The following NIPBL variants were observed in gnomAD, a reference collection of about 807,000 sequenced individuals.
NIPBL encodes the protein NIPBL cohesin loading factor, also known as nipped-B-like protein.
In NIPBL, 19 loss-of-function variants were observed where a neutral mutation model predicts 321.8. The ratio of observed to expected loss-of-function variants is 0.06; its 90% CI spans 0.04 to 0.09. The LOEUF is 0.09. Ranked by LOEUF, NIPBL falls within the 10% of genes least tolerant of loss-of-function variation. The probability of loss-of-function intolerance (pLI) is 1.00; values close to 1 mark genes in which losing one functional copy is unlikely to be tolerated. For synonymous variants in NIPBL, 1,106 were observed against 1,114.1 expected, an observed-to-expected ratio of 0.99 and a Z score of 0.14; for missense variants, 2,210 against 3,327.0, an observed-to-expected ratio of 0.66 and a Z score of 8.26.
At chr5:37,027,474 G>GTTTT in intron 32 of NIPBL, 62 bp downstream of exon 32, 7 of 935,124 alleles carry the variant, frequency 7.5e-6, no homozygotes, top group Non-Finnish European at 1.1e-5. Flanking sequence ...TGTTGTTGGT[G>GTTTT]TTTTTTTTTT....
At chr5:36,917,601 G>T (rs1013319129) in intron 1 of NIPBL, among the ~76,000 whole-genome samples, 3 of 152,140 alleles carry the variant, frequency 2.0e-5, no homozygotes, top group African/African-American at 7.2e-5. Context: ...CCTTGCCCAT[G>T]CCTATGTCCT....
chr5:37,051,410 A>G (rs1245302981), intron 40 of NIPBL: 1 of 220,870 alleles, frequency 4.5e-6, no homozygotes, highest in Non-Finnish European at 8.9e-6. Flanking sequence ...TGTTTGCCCT[A>G]TATTATCTTT....
intron 37 of NIPBL, 59 bp from the exon 38 acceptor site, chr5:37,046,050 G>A (rs190971906): frequency 2.2e-4 from 193 of 879,116 alleles, no homozygotes; most frequent in Non-Finnish European, 3.1e-4. Context: ...TTCCTTTATA[G>A]TTGAAAATTA....
At chr5:36,895,424 A>C (rs894544732) in intron 1 of NIPBL, among the ~76,000 whole-genome samples, 1 of 152,180 alleles carries the variant, frequency 6.6e-6, no homozygotes, top group African/African-American at 2.4e-5. Context: ...ATGCTGTTAT[A>C]AGCATTCATT....
chr5:37,057,153 C>G, intron 42 of NIPBL, 33 bp from the exon 43 acceptor site: 1 of 1,610,168 alleles, frequency 6.2e-7, no homozygotes, highest in Non-Finnish European at 8.5e-7. Context: ...AGATTATCCG[C>G]TAAACATGTG....
At chr5:37,044,773 G>GC (rs1752803165) in intron 36 of NIPBL, 44 bp downstream of exon 36, 1 of 1,355,412 alleles carries the variant, frequency 7.4e-7, no homozygotes, top group East Asian at 2.3e-5. Flanking sequence ...GCTAGGTCCT[G>GC]CAGGGGGTCA....
intron 9 of NIPBL, among the ~76,000 whole-genome samples, chr5:36,978,645 G>T (rs888783149): frequency 4.0e-5 from 6 of 151,862 alleles, no homozygotes; most frequent in African/African-American, 1.4e-4. Context: ...TTAGGTCTTA[G>T]TCATAAATTC....
chr5:36,969,061 G>C (rs1019925460), intron 6 of NIPBL, among the ~76,000 whole-genome samples: 12 of 152,072 alleles, frequency 7.9e-5, no homozygotes, highest in African/African-American at 2.7e-4. Flanking sequence ...AGCATTAACA[G>C]TTTAAAAGAG....
intron 1 of NIPBL, chr5:36,885,411 A>G: frequency 8.8e-6 from 4 of 453,270 alleles, no homozygotes; most frequent in South Asian, 5.2e-5. Context: ...TGGATGGCCC[A>G]GGGTCTGGCA....
chr5:36,889,664 C>G (rs1432713519), intron 1 of NIPBL, among the ~76,000 whole-genome samples: 1 of 152,140 alleles, frequency 6.6e-6, no homozygotes, highest in Non-Finnish European at 1.5e-5. Context: ...ACATTGCCAT[C>G]TACTCTGATT....
chr5:37,005,421 C>G (rs1747316186), intron 16 of NIPBL, among the ~76,000 whole-genome samples: 1 of 152,044 alleles, frequency 6.6e-6, no homozygotes, highest in Non-Finnish European at 1.5e-5. Context: ...CTGACTCAGT[C>G]TTAAGGAAAT....
intron 1 of NIPBL, among the ~76,000 whole-genome samples, chr5:36,942,596 T>TG (rs1355306494): frequency 6.6e-5 from 10 of 151,314 alleles, no homozygotes; most frequent in Admixed American, 2.0e-4. Context: ...AAAAATTAGC[T>TG]GGGGGGTGGT....
At chr5:37,051,976 T>G in intron 41 of NIPBL, 90 bp downstream of exon 41, 1 of 913,530 alleles carries the variant, frequency 1.1e-6, no homozygotes, top group South Asian at 1.4e-5. Flanking sequence ...CATTCATAAT[T>G]GGAATAAAAT....
intron 1 of NIPBL, among the ~76,000 whole-genome samples, chr5:36,930,683 A>G (rs1305311329): frequency 9.2e-5 from 14 of 152,232 alleles, no homozygotes; most frequent in Admixed American, 7.9e-4. Context: ...GAATTTTCAT[A>G]GATGCTCTTT....
At chr5:36,914,498 A>G (rs955667116) in intron 1 of NIPBL, among the ~76,000 whole-genome samples, 2 of 152,228 alleles carry the variant, frequency 1.3e-5, no homozygotes, top group Non-Finnish European at 2.9e-5. Context: ...GACAGGTTGC[A>G]GTCAAAACTT....
At chr5:36,915,169 A>C (rs1748365722) in intron 1 of NIPBL, among the ~76,000 whole-genome samples, 1 of 152,088 alleles carries the variant, frequency 6.6e-6, no homozygotes, top group African/African-American at 2.4e-5. Flanking sequence ...AATGTCCTAT[A>C]TTATAGTTTA....
chr5:36,986,911 G>A (rs1744874943), intron 10 of NIPBL, among the ~76,000 whole-genome samples: 3 of 152,092 alleles, frequency 2.0e-5, no homozygotes, highest in Admixed American at 2.0e-4. Context: ...ATTTTTGCAT[G>A]GTTTCTGAAT....
chr5:36,927,027 G>C (rs1335533430), intron 1 of NIPBL, among the ~76,000 whole-genome samples: 1 of 152,164 alleles, frequency 6.6e-6, no homozygotes, highest in Admixed American at 6.5e-5. Context: ...AGTTGGTTTT[G>C]TTGACGTTAG....
chr5:36,950,899 CACAGATT>C (rs1169182229), intron 1 of NIPBL, among the ~76,000 whole-genome samples: 8 of 148,948 alleles, frequency 5.4e-5, no homozygotes, highest in African/African-American at 2.0e-4. Context: ...GCAACATTTC[CACAGATT>C]ACTTACATTT....
Sources: allele counts gnomAD v4.1 joint callset (sites outside exome capture counted in the v4.1 genomes callset), GRCh38; gene constraint gnomAD v4.1.1; transcripts MANE v1.5; gene names NCBI Gene and HGNC (gene_info 2026-07-23, HGNC 2026-07-21).